CCDC91: variants seen among roughly 807,000 people sequenced by gnomAD.
CCDC91 encodes coiled-coil domain-containing protein 91.
CCDC91 carries 48 observed loss-of-function variants against 63.2 expected under a neutral mutation model. The observed-to-expected ratio is 0.76, with a 90% CI of 0.60 to 0.97. CCDC91 has a LOEUF of 0.97. CCDC91 is among the 50% of genes least tolerant of loss of function. The pLI is 0.00. For synonymous variants in CCDC91, 167 were observed against 165.8 expected (o/e 1.01, Z -0.06); for missense variants, 500 against 494.6 (o/e 1.01, Z -0.10).
intron 6 of CCDC91, among the ~76,000 whole-genome samples, chr12:28,308,345 C>T (rs1231371607): frequency 6.6e-6 from 1 of 152,002 alleles, no homozygotes; most frequent in Non-Finnish European, 1.5e-5. Flanking sequence ...ATCATTATTT[C>T]TCCCTTGGAT....
At chr12:28,237,235 T>TACACACACACACACACACACACAC (rs58134900) in intron 1 of CCDC91, among the ~76,000 whole-genome samples, 98 of 143,124 alleles carry the variant, frequency 6.8e-4, no homozygotes, top group African/African-American at 1.9e-3. Context: ...GTATTACACA[T>TACACACACACACACACACACACAC]ACACACACAC....
At chr12:28,285,682 A>C (rs1404333720) in intron 3 of CCDC91, among the ~76,000 whole-genome samples, 1 of 96,902 alleles carries the variant, frequency 1.0e-5, no homozygotes, top group Non-Finnish European at 2.3e-5. Flanking sequence ...CTTTATTTAA[A>C]TTTATTTCCT....
intron 7 of CCDC91, among the ~76,000 whole-genome samples, chr12:28,381,837 T>G (rs1486580755): frequency 1.1e-4 from 16 of 152,112 alleles, no homozygotes; most frequent in Non-Finnish European, 1.5e-5. Context: ...CCTGAGCCAC[T>G]TGGATGGCTT....
intron 1 of CCDC91, among the ~76,000 whole-genome samples, chr12:28,222,149 C>T (rs1173177464): frequency 2.0e-5 from 3 of 152,070 alleles, no homozygotes; most frequent in African/African-American, 7.2e-5. Flanking sequence ...TTTCTAGTTG[C>T]TTAGAAACTA....
In CCDC91 at chr12:28,308,375, T is replaced by G. The variant is rs1274694048; in HGVS notation, c.576+626T>G. ...TTGGATTACTAAAGTATATTCTAAC[T>G]AGTCTTTTGTTTTTGTCACTGCCCA... On this transcript the variant is annotated intron_variant, in intron 6 of 12. Coordinates refer to ENST00000536442, the MANE Select transcript of CCDC91 (RefSeq NM_018318.5). Among the ~76,000 whole-genome samples, 3 of 152,044 alleles carry G rather than the reference T, an allele frequency of 2.0e-5. No homozygotes were observed. The East Asian group carries it at 5.8e-4, about 29-fold the overall frequency.
At chr12:28,440,799 C>CT (rs1236806485) in intron 8 of CCDC91, among the ~76,000 whole-genome samples, 1 of 151,912 alleles carries the variant, frequency 6.6e-6, no homozygotes, top group African/African-American at 2.4e-5. Flanking sequence ...TGGCTCACGC[C>CT]TGTAATCCTA....
At chr12:28,484,359 C>A in intron 12 of CCDC91, 194 bp downstream of exon 12, 1 of 305,968 alleles carries the variant, frequency 3.3e-6, no homozygotes, top group Non-Finnish European at 6.1e-6. Flanking sequence ...CATCTGTCAG[C>A]AAAAACAACA....
intron 8 of CCDC91, among the ~76,000 whole-genome samples, chr12:28,439,538 A>G (rs1949074682): frequency 6.6e-6 from 1 of 152,122 alleles, no homozygotes; most frequent in African/African-American, 2.4e-5. Context: ...CTCCACACAC[A>G]ATACACAAAA....
At chr12:28,399,204 C>G (rs2139456243) in intron 8 of CCDC91, among the ~76,000 whole-genome samples, 1 of 152,236 alleles carries the variant, frequency 6.6e-6, no homozygotes, top group East Asian at 1.9e-4. Flanking sequence ...TTTCAGGAAA[C>G]TTACAATCAT....
At chr12:28,259,902 C>A (rs57618147) in intron 3 of CCDC91, among the ~76,000 whole-genome samples, 30,624 of 151,740 alleles carry the variant, frequency 0.2, 4,015 homozygotes, top group Non-Finnish European at 0.3. Context: ...CCATTATTGA[C>A]AGATGTTTCT....
chr12:28,418,402 A>G (rs888675877), intron 8 of CCDC91, among the ~76,000 whole-genome samples: 2 of 152,160 alleles, frequency 1.3e-5, no homozygotes, highest in African/African-American at 4.8e-5. Flanking sequence ...CTAAGATGGA[A>G]GGTAGTATTA....
At chr12:28,278,323 G>A (rs1434311789) in intron 3 of CCDC91, among the ~76,000 whole-genome samples, 4 of 151,656 alleles carry the variant, frequency 2.6e-5, no homozygotes, top group African/African-American at 9.7e-5. Flanking sequence ...CTTAACAATT[G>A]TTTTTAGGGT....
chr12:28,284,525 G>A (rs1180358247), intron 3 of CCDC91, among the ~76,000 whole-genome samples: 1 of 151,976 alleles, frequency 6.6e-6, no homozygotes, highest in African/African-American at 2.4e-5. Flanking sequence ...GGTGGCACAT[G>A]CCTGTAATCC....
intron 8 of CCDC91, among the ~76,000 whole-genome samples, chr12:28,427,051 C>T (rs1948359928): frequency 6.6e-6 from 1 of 152,108 alleles, no homozygotes; most frequent in African/African-American, 2.4e-5. Flanking sequence ...AGAACTCCTC[C>T]TTATACAGAG....
At chr12:28,363,963 G>GT (rs5797270) in intron 7 of CCDC91, among the ~76,000 whole-genome samples, 29,690 of 138,420 alleles carry the variant, frequency 0.21, 3,770 homozygotes, top group East Asian at 0.55. Flanking sequence ...AGTGAAAAGT[G>GT]TTTTTTTTTT....
intron 12 of CCDC91, among the ~76,000 whole-genome samples, chr12:28,506,206 G>A (rs1440244821): frequency 2.0e-5 from 3 of 151,962 alleles, no homozygotes; most frequent in Non-Finnish European, 2.9e-5. Context: ...GGTTATCAGA[G>A]GCATGATAGG....
intron 2 of CCDC91, 21 bp downstream of exon 2, chr12:28,257,266 T>G: frequency 6.4e-7 from 1 of 1,564,832 alleles, no homozygotes; most frequent in Non-Finnish European, 8.8e-7. Flanking sequence ...TTATTTACAT[T>G]AGTTTGTTTT....
chr12:28,266,234 G>A (rs1470994274), intron 3 of CCDC91, among the ~76,000 whole-genome samples: 1 of 151,908 alleles, frequency 6.6e-6, no homozygotes, highest in Non-Finnish European at 1.5e-5. Context: ...CTATGCTTCT[G>A]AAGATTAGGT....
At chr12:28,228,361 A>G (rs900473590) in intron 1 of CCDC91, among the ~76,000 whole-genome samples, 14 of 152,130 alleles carry the variant, frequency 9.2e-5, no homozygotes, top group Admixed American at 6.6e-5. Context: ...TGTACTATAT[A>G]TACGTTTGCA....
Sources: gnomAD v4.1 joint callset for allele counts (sites outside exome capture counted in the v4.1 genomes callset) on GRCh38, gnomAD v4.1.1 for gene constraint, MANE v1.5 for transcripts, NCBI Gene and HGNC (gene_info 2026-07-23, HGNC 2026-07-21) for gene names.